The following CELF2 variants were observed in gnomAD, a reference collection of about 807,000 sequenced individuals.
CELF2 encodes the protein CUGBP Elav-like family member 2.
Under a neutral mutation model 62.6 loss-of-function variants are expected in CELF2, and 8 were observed. The ratio of observed to expected loss-of-function variants is 0.13; its 90% CI spans 0.07 to 0.23. The LOEUF (loss-of-function observed/expected upper bound fraction) is 0.23, where lower values mean the gene tolerates loss of function less well. Ranked by LOEUF, CELF2 falls within the 10% of genes least tolerant of loss-of-function variation. The pLI, the probability that CELF2 is intolerant of heterozygous loss-of-function variation, is 1.00. For missense variants in CELF2, 333 were observed against 671.0 expected (o/e 0.50, Z 5.56); for synonymous variants, 258 against 250.0 (o/e 1.03, Z -0.30).
the CELF2 span, among the ~76,000 whole-genome samples, chr10:10,587,739 A>G: frequency 2.0e-5 from 3 of 152,178 alleles, no homozygotes; most frequent in Non-Finnish European, 4.4e-5. Flanking sequence ...ATTCCAGCTC[A>G]ACTCTTTCCT....
intron 1 of CELF2, among the ~76,000 whole-genome samples, chr10:10,816,834 A>G (rs542927275): frequency 1.2e-4 from 18 of 152,240 alleles, no homozygotes; most frequent in Non-Finnish European, 1.8e-4. Context: ...TTTTAAAAAG[A>G]CAGCTTGTAG....
chr10:10,908,410 C>T (rs550281562), intron 1 of CELF2, among the ~76,000 whole-genome samples: 3 of 151,488 alleles, frequency 2.0e-5, no homozygotes, highest in African/African-American at 4.8e-5. Flanking sequence ...TTAGTAGAGA[C>T]GGGGTTTCAC....
At chr10:11,051,983 C>T (rs1418380572) in intron 1 of CELF2, among the ~76,000 whole-genome samples, 1 of 151,228 alleles carries the variant, frequency 6.6e-6, no homozygotes, top group Non-Finnish European at 1.5e-5. Context: ...ACTGCAACCT[C>T]CAACCTCCAC....
chr10:10,787,910 C>T, the CELF2 span, among the ~76,000 whole-genome samples: 3 of 152,150 alleles, frequency 2.0e-5, no homozygotes, highest in East Asian at 1.9e-4. Context: ...AAAGCCATGC[C>T]GGTTCAAATC....
rs530628978 is a variant in CELF2, at chr10:10,950,370, C to A, written c.89+30371C>A. Among the ~76,000 whole-genome samples, 9 of 152,122 alleles carry A rather than the reference C, an allele frequency of 5.9e-5. No homozygotes were observed. In the South Asian group the frequency reaches 1.9e-3, roughly 32 times the overall value. On this transcript the variant is annotated intron_variant, in intron 2 of 13. Transcript: ENST00000636488. ...GAGGTCTGGGTCTGAACAAATGGGG[C>A]AAAGGGCTCCAAAGAGTCAGGATTT...
chr10:11,274,337 C>G (rs1291970629), intron 7 of CELF2, among the ~76,000 whole-genome samples: 1 of 152,176 alleles, frequency 6.6e-6, no homozygotes, highest in African/African-American at 2.4e-5. Flanking sequence ...TCTTGTGGCA[C>G]CCACTCATTC....
chr10:10,782,364 T>A, the CELF2 span, among the ~76,000 whole-genome samples: 1 of 152,134 alleles, frequency 6.6e-6, no homozygotes, highest in Non-Finnish European at 1.5e-5. Context: ...AGATGAGATG[T>A]CCCAGCTCAA....
At chr10:10,551,528 G>A in the CELF2 span, among the ~76,000 whole-genome samples, 9 of 152,210 alleles carry the variant, frequency 5.9e-5, no homozygotes, top group Non-Finnish European at 1.2e-4. Context: ...AGAAGCGAAT[G>A]TCAATTTCAC....
chr10:10,732,478 G>T, the CELF2 span, among the ~76,000 whole-genome samples: 1 of 149,018 alleles, frequency 6.7e-6, no homozygotes, highest in Non-Finnish European at 1.5e-5. Flanking sequence ...TGTTCACTTT[G>T]CAATAAAGTT....
Position 10,936,447 on chromosome 10 carries a change from C to G in CELF2, c.89+16448C>G, listed in dbSNP as rs1240060997. Among the ~76,000 whole-genome samples the G allele has an allele frequency of 2.0e-5, 3 of 152,126 alleles. No individual in the cohort carries two copies. Among genetic ancestry groups the G allele is most frequent in the Non-Finnish European group, 4.4e-5 (3 of 68,030 alleles). ...TGTTTTGCATCGTCTCCTTGTTTCA[C>G]AGATGAATAGGCTGAAGATCAGACA... On this transcript the variant is annotated intron_variant, in intron 2 of 13. Coordinates refer to the CELF2 transcript ENST00000636488. This position sits in a 1 kb window ranked among gnomAD's most constrained non-coding sequence, Gnocchi z 4.0.
At chr10:11,212,325 C>G (rs1363009867) in intron 2 of CELF2, among the ~76,000 whole-genome samples, 1 of 152,174 alleles carries the variant, frequency 6.6e-6, no homozygotes, top group African/African-American at 2.4e-5. Context: ...CCCCGAGATG[C>G]TCCCTGTGAG....
chr10:10,590,350 G>A, the CELF2 span, among the ~76,000 whole-genome samples: 1 of 152,170 alleles, frequency 6.6e-6, no homozygotes, highest in African/African-American at 2.4e-5. Context: ...TTTCACAGAG[G>A]TGCTTATGAG....
At chr10:10,836,772 A>T (rs889745961) in intron 1 of CELF2, among the ~76,000 whole-genome samples, 1 of 152,162 alleles carries the variant, frequency 6.6e-6, no homozygotes, top group African/African-American at 2.4e-5. Context: ...AGTAACTGGG[A>T]CAACAGGCAT....
chr10:11,182,966 C>T (rs2073880216), intron 2 of CELF2, among the ~76,000 whole-genome samples: 1 of 152,136 alleles, frequency 6.6e-6, no homozygotes, highest in African/African-American at 2.4e-5. Context: ...TTTTCAACAG[C>T]TCAATGGAGA....
upstream of CELF2, among the ~76,000 whole-genome samples, chr10:10,795,295 CATT>C (rs1205182244): frequency 2.1e-5 from 3 of 146,194 alleles, no homozygotes; most frequent in African/African-American, 7.6e-5. Context: ...CTTTAAGAAT[CATT>C]ATGAATGCCA....
chr10:10,650,684 G>A, the CELF2 span, among the ~76,000 whole-genome samples: 1 of 152,230 alleles, frequency 6.6e-6, no homozygotes, highest in African/African-American at 2.4e-5. Flanking sequence ...TAAGAAATGT[G>A]TGCAAGAATG....
At chr10:10,811,818 G>T (rs1192129421) in intron 1 of CELF2, among the ~76,000 whole-genome samples, 2 of 152,176 alleles carry the variant, frequency 1.3e-5, no homozygotes, top group African/African-American at 4.8e-5. Flanking sequence ...GAAATCATTT[G>T]TGTTGAGTCT....
chr10:10,495,484 T>A, the CELF2 span, among the ~76,000 whole-genome samples: 2 of 152,148 alleles, frequency 1.3e-5, no homozygotes, highest in Non-Finnish European at 1.5e-5. Flanking sequence ...TTAAGGTTAC[T>A]AAAGAAAACT....
chr10:11,050,743 T>C (rs1403913728), intron 1 of CELF2, among the ~76,000 whole-genome samples: 1 of 152,210 alleles, frequency 6.6e-6, no homozygotes, highest in African/African-American at 2.4e-5. Context: ...CCACCCTGCA[T>C]TGCCAGACAG....
Sources: allele counts gnomAD v4.1 joint callset (sites outside exome capture counted in the v4.1 genomes callset), GRCh38; gene constraint gnomAD v4.1.1; non-coding constraint Gnocchi (gnomAD v3.1); transcripts MANE v1.5; gene names NCBI Gene and HGNC (gene_info 2026-07-23, HGNC 2026-07-21).